INPP5F: variants seen among roughly 807,000 people sequenced by gnomAD.
INPP5F encodes the protein phosphatidylinositide 4-phosphatase SAC2.
INPP5F carries 97 observed loss-of-function variants against 137.2 expected under a neutral mutation model. The ratio of observed to expected loss-of-function variants is 0.71; its 90% CI spans 0.60 to 0.84. INPP5F has a LOEUF of 0.84. Ranked by LOEUF, INPP5F falls within the 40% of genes least tolerant of loss-of-function variation. The pLI, the probability that INPP5F is intolerant of heterozygous loss-of-function variation, is 0.00. For missense variants in INPP5F, 1,271 were observed against 1,371.9 expected (o/e 0.93, Z 1.16); for synonymous variants, 504 against 476.9 (o/e 1.06, Z -0.74).
rs560708338 is a variant in INPP5F at position 119,810,739 on chromosome 10, G to A, written c.1687+522G>A. 3.3e-5 allele frequency among the ~76,000 whole-genome samples: 5 copies of A among 152,270 alleles called. No homozygotes were observed. The South Asian group carries it at 8.3e-4, about 25-fold the overall frequency. On this transcript the variant is annotated intron_variant, in intron 14 of 19. Coordinates refer to ENST00000650623, the MANE Select transcript of INPP5F (RefSeq NM_014937.4). The stretch of plus-strand genomic sequence containing the variant: ...GGAAGAGGAAATGGAAGGATAGATT[G>A]CCCAGTAGAATGTATGCATTGACAT...
intron 2 of INPP5F, among the ~76,000 whole-genome samples, chr10:119,778,381 A>G (rs1463210837): frequency 6.6e-6 from 1 of 152,160 alleles, no homozygotes; most frequent in Non-Finnish European, 1.5e-5. Context: ...TTCCTGAAAC[A>G]CAATTTCAAT....
At chr10:119,801,728 A>G (rs1302781300) in intron 9 of INPP5F, among the ~76,000 whole-genome samples, 1 of 152,172 alleles carries the variant, frequency 6.6e-6, no homozygotes, top group Non-Finnish European at 1.5e-5. Context: ...TGATGGAGTG[A>G]GACTCTGTCT....
chr10:119,783,393 G>C (rs911126898), intron 3 of INPP5F, among the ~76,000 whole-genome samples: 6 of 152,202 alleles, frequency 3.9e-5, no homozygotes, highest in African/African-American at 1.4e-4. Flanking sequence ...GTTTGATTTA[G>C]AGATGGGAAC....
chr10:119,821,143 A>G (rs972983609), intron 16 of INPP5F, among the ~76,000 whole-genome samples: 1 of 152,084 alleles, frequency 6.6e-6, no homozygotes, highest in Non-Finnish European at 1.5e-5. Flanking sequence ...TGTTTATGTT[A>G]TAGTGTATTC....
In INPP5F at chr10:119,730,406, G is replaced by A. The variant is rs559527988; in HGVS notation, c.97+4047G>A. ...ATTACAGGCATGAGCCACCGCGCCC[G>A]GCCTGGTTATTTTATTTTCTACAGG... On this transcript the variant is annotated intron_variant, in intron 1 of 19. Coordinates refer to ENST00000650623, the MANE Select transcript of INPP5F (RefSeq NM_014937.4). 2.1e-3 allele frequency among the ~76,000 whole-genome samples: 319 copies of A among 152,226 alleles called. 1 individual carries two copies. Among genetic ancestry groups the A allele is most frequent in the African/African-American group, 7.2e-3 (301 of 41,538 alleles).
rs571961341 is a variant in INPP5F at position 119,754,048 on chromosome 10, G to A, written c.178+2892G>A. Among the ~76,000 whole-genome samples the A allele has an allele frequency of 1.4e-4, 22 of 152,258 alleles. 1 individual carries two copies. The South Asian group carries it at 4.4e-3, about 30-fold the overall frequency. On this transcript the variant is annotated intron_variant, in intron 2 of 19. Coordinates refer to ENST00000650623, the MANE Select transcript of INPP5F (RefSeq NM_014937.4). ...TTCTGCCTTTAAAATGACACCCTTA[G>A]CCTCAAGCCAGCTGACATCTGATAT...
At chr10:119,789,831 T>A (rs1850073811) in intron 3 of INPP5F, among the ~76,000 whole-genome samples, 1 of 151,462 alleles carries the variant, frequency 6.6e-6, no homozygotes, top group African/African-American at 2.4e-5. Context: ...TTGGGGCACC[T>A]AGACATCAAG....
chr10:119,735,731 C>T (rs1848198183), intron 1 of INPP5F, among the ~76,000 whole-genome samples: 1 of 152,326 alleles, frequency 6.6e-6, no homozygotes, highest in East Asian at 1.9e-4. Flanking sequence ...GTCATTTACT[C>T]CCATTTGCAC....
intron 1 of INPP5F, among the ~76,000 whole-genome samples, chr10:119,742,960 C>G (rs1052669315): frequency 6.6e-5 from 10 of 152,106 alleles, no homozygotes; most frequent in African/African-American, 2.4e-4. Flanking sequence ...CCATTGCACT[C>G]CAGCCTGGGC....
At position 119,726,200 on chromosome 10, in the gene INPP5F, A is replaced by T; in HGVS notation, c.-63A>T. On this transcript the variant is annotated 5_prime_UTR_variant, in exon 1 of 20. Transcript: ENST00000650623. ...CGAGGCGCGGGCTCTGGCGGCCTCG[A>T]CCGACTAGGACGCCCCGTGCGCCGC... 8.2e-6 allele frequency: 9 copies of T among 1,091,894 alleles called. No individual in the cohort carries two copies. Among genetic ancestry groups the T allele is most frequent in the African/African-American group, 1.7e-5 (1 of 59,604 alleles). The allele number at this position is 1,091,894 out of a possible 1,614,324, so 67.6% of individuals were successfully genotyped here.
At chr10:119,769,916 C>G (rs1293901583) in intron 2 of INPP5F, among the ~76,000 whole-genome samples, 1 of 152,136 alleles carries the variant, frequency 6.6e-6, no homozygotes, top group Non-Finnish European at 1.5e-5. Flanking sequence ...TAAATCTCCT[C>G]TCATTTATAT....
intron 3 of INPP5F, among the ~76,000 whole-genome samples, chr10:119,782,570 CTT>C (rs1312568415): frequency 6.6e-6 from 1 of 152,062 alleles, no homozygotes; most frequent in African/African-American, 2.4e-5. Context: ...TGGCTCCTGT[CTT>C]TGACAGGCTG....
chr10:119,728,291 A>C (rs770255627), intron 1 of INPP5F, among the ~76,000 whole-genome samples: 10 of 152,244 alleles, frequency 6.6e-5, no homozygotes, highest in Non-Finnish European at 1.5e-4. Flanking sequence ...GCCAGGGAAT[A>C]AAGAATCCCA....
intron 2 of INPP5F, among the ~76,000 whole-genome samples, chr10:119,779,892 C>CT (rs935630945): frequency 6.6e-6 from 1 of 152,056 alleles, no homozygotes; most frequent in Non-Finnish European, 1.5e-5. Flanking sequence ...CCTTATTTAA[C>CT]TTTTTTTATA....
intron 2 of INPP5F, among the ~76,000 whole-genome samples, chr10:119,765,111 T>A (rs1849118634): frequency 6.6e-6 from 1 of 151,548 alleles, no homozygotes; most frequent in Non-Finnish European, 1.5e-5. Flanking sequence ...CTTTTGTGTT[T>A]TTCGTAGAGA....
rs1437177109 is a variant in INPP5F at position 119,827,521 on chromosome 10, T to G, written c.3140T>G (p.Leu1047Arg). 1.9e-6 allele frequency: 3 copies of G among 1,613,928 alleles called. No individual in the cohort carries two copies. Among genetic ancestry groups the G allele is most frequent in the Non-Finnish European group, 2.5e-6 (3 of 1,179,974 alleles). Residue 1047 changes from leucine to arginine, a missense_variant, in exon 20 of 20, where the codon CTT becomes CGT. Physicochemically the swap from Leu to Arg is moderately radical, Grantham distance 102 (BLOSUM62 -2). Transcript: ENST00000650623. ...ACCCCCACCTCCGCTTCCAGCATGCTTGAACTTGAGACAGGGCTTCATGTA... is the reference window on the plus strand; with the variant it reads ...ACCCCCACCTCCGCTTCCAGCATGCGTGAACTTGAGACAGGGCTTCATGTA... The part of the protein sequence containing the change: ...QKTPTSASSM[L>R]ELETGLHVTP...
rs778694853 is a variant in INPP5F, at chr10:119,808,072, C to G, written c.1569+12C>G. 4.6e-5 allele frequency: 74 copies of G among 1,607,084 alleles called. No homozygotes were observed. The highest frequency in any genetic ancestry group is 5.8e-5 in the Non-Finnish European group (68 of 1,177,544). On this transcript the variant is annotated intron_variant, in intron 13 of 19. Coordinates refer to ENST00000650623, the MANE Select transcript of INPP5F (RefSeq NM_014937.4). ...CAGCTGCTCTGAAGGTAAATACTTG[C>G]AGGAAGCATCTGTGGGTCATTATGT...
intron 3 of INPP5F, among the ~76,000 whole-genome samples, chr10:119,785,302 T>TTTTTTTTTTTTTTTTTTTG (rs1554889600): frequency 6.1e-5 from 9 of 147,634 alleles, no homozygotes; most frequent in South Asian, 2.3e-4. Flanking sequence ...TTTTTTTTTT[T>TTTTTTTTTTTTTTTTTTTG]GGAGACGGAG....
chr10:119,827,621 GGTTGCTA>G lies in INPP5F; in HGVS notation c.3243_3249del (p.Ala1082LeufsTer6), dbSNP rs1231490541. On this transcript the variant is annotated frameshift_variant, in exon 20 of 20. Transcript: ENST00000650623. LOFTEE classifies it high-confidence loss of function. ...CCAAGATTCGAAGTTCCATGGTCCA[GGTTGCTA>G]GTATTACCCAAGCTGGATTAACCCA... 1.9e-6 allele frequency: 3 copies of G among 1,614,054 alleles called. No individual in the cohort carries two copies. In the African/African-American group the frequency reaches 4.0e-5, roughly 22 times the overall value.
Sources: gnomAD v4.1 joint callset for allele counts (sites outside exome capture counted in the v4.1 genomes callset) on GRCh38, gnomAD v4.1.1 for gene constraint, MANE v1.5 for transcripts, NCBI Gene and HGNC (gene_info 2026-07-23, HGNC 2026-07-21) for gene names.